The following NALF1 variants were observed in gnomAD, a reference collection of about 807,000 sequenced individuals.
NALF1 encodes NALCN channel auxiliary factor 1.
A neutral mutation model predicts 48.4 loss-of-function variants in NALF1; 3 were observed. The observed-to-expected ratio is 0.06, with a 90% CI of 0.03 to 0.16. The LOEUF (loss-of-function observed/expected upper bound fraction) is 0.16, where lower values mean the gene tolerates loss of function less well. NALF1 is among the 10% of genes least tolerant of loss of function. NALF1 has a pLI of 1.00. For missense variants in NALF1, 526 were observed against 571.5 expected (o/e 0.92, Z 0.81); for synonymous variants, 262 against 245.7 (o/e 1.07, Z -0.62).
chr13:107,202,685 C>T (rs955134390), intron 2 of NALF1, among the ~76,000 whole-genome samples: 4 of 152,064 alleles, frequency 2.6e-5, no homozygotes, highest in Non-Finnish European at 4.4e-5. Context: ...TTTAATGTGA[C>T]GTGTGATGTT....
chr13:107,606,541 T>C (rs895147326), intron 1 of NALF1, among the ~76,000 whole-genome samples: 1 of 151,638 alleles, frequency 6.6e-6, no homozygotes, highest in African/African-American at 2.4e-5. Context: ...AATTTTTGTA[T>C]TTTTAGTAGA....
intron 1 of NALF1, among the ~76,000 whole-genome samples, chr13:107,278,227 C>T (rs1234113271): frequency 1.3e-5 from 2 of 152,184 alleles, no homozygotes; most frequent in Non-Finnish European, 2.9e-5. Flanking sequence ...TAGCCCCATT[C>T]GTACTCAAAA....
At position 107,712,748 on chromosome 13, in the gene NALF1, T is replaced by C. The variant is rs1158103187; in HGVS notation, c.915+152934A>G. Among the ~76,000 whole-genome samples, 3 of 152,294 alleles carry C rather than the reference T, an allele frequency of 2.0e-5. No individual in the cohort carries two copies. In the East Asian group the frequency reaches 5.8e-4, roughly 29 times the overall value. On this transcript the variant is annotated intron_variant, in intron 1 of 2. Transcript: ENST00000375915. ...GAAATGTCACGCAGTGTGAAAGGCG[T>C]GTATGAAAAGGTACAGAGCTGTCTT...
intron 1 of NALF1, among the ~76,000 whole-genome samples, chr13:107,746,651 C>T (rs898666682): frequency 1.3e-5 from 2 of 152,156 alleles, no homozygotes; most frequent in Admixed American, 1.3e-4. Flanking sequence ...GCTGGAGATG[C>T]ACTAAATGTA....
At chr13:107,226,376 G>A (rs1421223412) in intron 1 of NALF1, among the ~76,000 whole-genome samples, 3 of 150,374 alleles carry the variant, frequency 2.0e-5, no homozygotes, top group East Asian at 1.9e-4. Flanking sequence ...ACAAAATAAC[G>A]TTAACTATAC....
chr13:107,492,608 T>G (rs1875178873), intron 1 of NALF1, among the ~76,000 whole-genome samples: 1 of 152,182 alleles, frequency 6.6e-6, no homozygotes, highest in East Asian at 1.9e-4. Flanking sequence ...ACTGCAATTC[T>G]ACAGTATTTT....
chr13:107,412,924 A>G (rs1420081832), intron 1 of NALF1, among the ~76,000 whole-genome samples: 1 of 152,204 alleles, frequency 6.6e-6, no homozygotes, highest in Non-Finnish European at 1.5e-5. Flanking sequence ...GTGGAGGTAG[A>G]GTATTGCCTT....
At chr13:107,291,062 T>C (rs1335420388) in intron 1 of NALF1, among the ~76,000 whole-genome samples, 1 of 151,386 alleles carries the variant, frequency 6.6e-6, no homozygotes, top group Non-Finnish European at 1.5e-5. Context: ...ACATTGTACC[T>C]CTATCATTTC....
chr13:107,818,765 G>C, intron 1 of NALF1, among the ~76,000 whole-genome samples: 1 of 142,394 alleles, frequency 7.0e-6, no homozygotes, highest in Non-Finnish European at 1.5e-5. Flanking sequence ...CCAGCTACTC[G>C]GGAGGCTGAG....
At chr13:107,592,241 AC>A (rs886111111) in intron 1 of NALF1, among the ~76,000 whole-genome samples, 1 of 151,916 alleles carries the variant, frequency 6.6e-6, no homozygotes, top group Non-Finnish European at 1.5e-5. Context: ...TGCTATGATG[AC>A]TAGGAAAGAA....
At chr13:107,325,526 C>T (rs922447192) in intron 1 of NALF1, among the ~76,000 whole-genome samples, 1 of 151,990 alleles carries the variant, frequency 6.6e-6, no homozygotes, top group African/African-American at 2.4e-5. Flanking sequence ...TTTTATTATA[C>T]AGTCACTTAT....
intron 1 of NALF1, among the ~76,000 whole-genome samples, chr13:107,479,447 A>C (rs1394151783): frequency 6.6e-6 from 1 of 152,208 alleles, no homozygotes; most frequent in East Asian, 1.9e-4. Flanking sequence ...CTATCAAAGA[A>C]GACTGATTCT....
chr13:107,433,117 A>G (rs1884409880), intron 1 of NALF1, among the ~76,000 whole-genome samples: 1 of 152,166 alleles, frequency 6.6e-6, no homozygotes, highest in Admixed American at 6.6e-5. Context: ...TCACAACTAG[A>G]CTACCTTTAA....
intron 1 of NALF1, among the ~76,000 whole-genome samples, chr13:107,330,704 T>A (rs922972339): frequency 6.6e-6 from 1 of 152,234 alleles, no homozygotes; most frequent in Admixed American, 6.5e-5. Context: ...ATAAATGTGC[T>A]TCCAGGAATA....
chr13:107,244,190 C>T lies in NALF1; in HGVS notation c.916-33435G>A, dbSNP rs78487693. Reference sequence around the variant, plus strand: ...CTCTGTGCAATGACATTGCAAAACACGGGGAGAGAGCAAAGTTTGGAATTT... The same window carrying T: ...CTCTGTGCAATGACATTGCAAAACATGGGGAGAGAGCAAAGTTTGGAATTT... On this transcript the variant is annotated intron_variant, in intron 1 of 2. Transcript: ENST00000375915. Among the ~76,000 whole-genome samples, 495 of 152,208 alleles carry T rather than the reference C, an allele frequency of 3.3e-3. 4 individuals carry two copies. The highest frequency in any genetic ancestry group is 0.011 in the African/African-American group (460 of 41,524).
At chr13:107,725,418 T>C (rs1264981275) in intron 1 of NALF1, among the ~76,000 whole-genome samples, 1 of 152,060 alleles carries the variant, frequency 6.6e-6, no homozygotes, top group African/African-American at 2.4e-5. Context: ...GTAGAAAAAG[T>C]GAAGTAGGGC....
At chr13:107,211,433 G>C (rs544428825) in intron 1 of NALF1, among the ~76,000 whole-genome samples, 3 of 152,166 alleles carry the variant, frequency 2.0e-5, no homozygotes, top group Non-Finnish European at 4.4e-5. Flanking sequence ...TCAACCTTCT[G>C]GATGATGTGC....
rs143674111 is a variant in NALF1 at position 107,210,488 on chromosome 13, T to A, written c.1087+96A>T. The A allele has an allele frequency of 2.3e-5, 20 of 870,972 alleles. No individual in the cohort carries two copies. The Middle Eastern group carries it at 1.1e-3, about 48-fold the overall frequency. 54.0% of individuals were successfully genotyped at this position (870,972 alleles called of 1,614,324 possible). A position where few individuals can be genotyped will look rare whatever the true frequency, so the allele number is the denominator to read the frequency against. On this transcript the variant is annotated intron_variant, in intron 2 of 2. Transcript: ENST00000375915. ...AAAACTACCAGCCGCATCTTCAAGG[T>A]TATATCAGTGAAAGGAAACAGCAAA...
chr13:107,621,181 C>T (rs951202503), intron 1 of NALF1, among the ~76,000 whole-genome samples: 1 of 152,186 alleles, frequency 6.6e-6, no homozygotes, highest in Non-Finnish European at 1.5e-5. Flanking sequence ...TCACATTCTT[C>T]CCATCCTAAA....
Sources: gnomAD v4.1 joint callset for allele counts (sites outside exome capture counted in the v4.1 genomes callset) on GRCh38, gnomAD v4.1.1 for gene constraint, MANE v1.5 for transcripts, NCBI Gene and HGNC (gene_info 2026-07-23, HGNC 2026-07-21) for gene names.